Variants in CNIH3 observed in about 807,000 individuals in gnomAD.
CNIH3 encodes the protein protein cornichon homolog 3.
A neutral mutation model predicts 24.1 loss-of-function variants in CNIH3; 14 were observed. The ratio of observed to expected loss-of-function variants is 0.58; its 90% CI spans 0.38 to 0.91. CNIH3 has a LOEUF of 0.91. Among genes scored for constraint, CNIH3 ranks in the 40% least tolerant of loss-of-function variants. CNIH3 has a pLI of 0.00. For synonymous variants in CNIH3, 68 were observed against 73.8 expected (o/e 0.92, Z 0.40); for missense variants, 178 against 196.8 (o/e 0.90, Z 0.57).
chr1:224,694,001 TTGAG>T (rs1335067850), intron 3 of CNIH3, among the ~76,000 whole-genome samples: 3 of 152,232 alleles, frequency 2.0e-5, no homozygotes, highest in African/African-American at 7.2e-5. Flanking sequence ...ATTTGGTGAC[TTGAG>T]TGTTTGGTAG....
chr1:224,574,618 A>T, intron 4 of CNIH3: 1 of 845,242 alleles, frequency 1.2e-6, no homozygotes. Context: ...ATTCGGGAGA[A>T]GCTCAGGGAG....
At chr1:224,734,966 A>G (rs919282180) in intron 5 of CNIH3, among the ~76,000 whole-genome samples, 5 of 152,104 alleles carry the variant, frequency 3.3e-5, no homozygotes, top group African/African-American at 4.8e-5. Flanking sequence ...CACCCTCTCA[A>G]CATCCCTTTG....
At chr1:224,582,858 T>A (rs1008092595) in intron 4 of CNIH3, among the ~76,000 whole-genome samples, 1 of 152,208 alleles carries the variant, frequency 6.6e-6, no homozygotes, top group Non-Finnish European at 1.5e-5. Flanking sequence ...CCTTTGTTGA[T>A]TCACTTATCT....
At chr1:224,728,402 C>T (rs1187014957) in intron 3 of CNIH3, among the ~76,000 whole-genome samples, 1 of 152,100 alleles carries the variant, frequency 6.6e-6, no homozygotes, top group Non-Finnish European at 1.5e-5. Context: ...CCCCCTCCTG[C>T]CAGGTGGTTG....
Position 224,684,922 on chromosome 1 carries a change from C to T in CNIH3, c.198+79C>T, listed in dbSNP as rs1210168455. 7.4e-7 allele frequency: 1 copy of T among 1,345,190 alleles called. No homozygotes were observed. Among genetic ancestry groups the T allele is most frequent in the East Asian group, 2.3e-5 (1 of 43,638 alleles). The allele number at this position is 1,345,190 out of a possible 1,614,324, so 83.3% of individuals were successfully genotyped here. The stretch of plus-strand genomic sequence containing the variant: ...CACACAGTGAAAGAGGCTAGTGAGG[C>T]TCTGCCTGCTCCAGTCCTGTCCACC... On this transcript the variant is annotated intron_variant, in intron 3 of 5. Coordinates refer to ENST00000272133, the MANE Select transcript of CNIH3 (RefSeq NM_152495.2). The surrounding 1 kb of genome is among the most constrained non-coding windows in gnomAD (Gnocchi z 4.2).
chr1:224,691,745 A>G (rs966537797), intron 3 of CNIH3, among the ~76,000 whole-genome samples: 4 of 152,234 alleles, frequency 2.6e-5, no homozygotes, highest in African/African-American at 9.6e-5. Flanking sequence ...TCATTCTCTC[A>G]TTGGGCAGAG....
chr1:224,699,780 G>A (rs568133903), intron 3 of CNIH3, among the ~76,000 whole-genome samples: 1 of 152,276 alleles, frequency 6.6e-6, no homozygotes, highest in African/African-American at 2.4e-5. Flanking sequence ...AAAAATCTGA[G>A]CCCCTCACCC....
At chr1:224,509,635 T>C (rs1022009947) in intron 1 of CNIH3, among the ~76,000 whole-genome samples, 1 of 152,136 alleles carries the variant, frequency 6.6e-6, no homozygotes, top group African/African-American at 2.4e-5. Context: ...TCTGCAAACC[T>C]CAATCTGATC....
chr1:224,616,971 CGG>C lies in CNIH3; in HGVS notation c.-202_-201del. ...CGTTTTCCTGTCTTCGCCGGAGGGC[CGG>C]GTCTGGGGTCGCCGGAGCCTGCGGG... On this transcript the variant is annotated 5_prime_UTR_variant, in exon 1 of 6. The change creates a premature stop within an existing upstream ORF in the 5' untranslated region. Transcript: ENST00000272133. 13 of 1,396,946 alleles carry C rather than the reference CGG, an allele frequency of 9.3e-6. No homozygotes were observed. The highest frequency in any genetic ancestry group is 1.2e-5 in the Non-Finnish European group (13 of 1,080,874). The allele number at this position is 1,396,946 out of a possible 1,614,324, so 86.5% of individuals were successfully genotyped here. A position where few individuals can be genotyped will look rare whatever the true frequency, so the allele number is the denominator to read the frequency against.
intron 3 of CNIH3, among the ~76,000 whole-genome samples, chr1:224,697,313 G>A (rs781766213): frequency 2.0e-5 from 3 of 152,146 alleles, no homozygotes; most frequent in Non-Finnish European, 2.9e-5. Flanking sequence ...CCCGCCCCCC[G>A]GAATTTCTGA....
intron 3 of CNIH3, among the ~76,000 whole-genome samples, chr1:224,597,567 G>T (rs775861095): frequency 2.0e-5 from 3 of 152,134 alleles, no homozygotes; most frequent in Non-Finnish European, 2.9e-5. Flanking sequence ...GTATGGGGTC[G>T]GAGGGTACAG....
At chr1:224,647,126 G>C (rs933387472) in intron 1 of CNIH3, among the ~76,000 whole-genome samples, 5 of 152,044 alleles carry the variant, frequency 3.3e-5, no homozygotes, top group African/African-American at 1.2e-4. Flanking sequence ...GGGGTTACAG[G>C]CACCCGCCGC....
chr1:224,487,280 T>C (rs1389106212), intron 1 of CNIH3, among the ~76,000 whole-genome samples: 1 of 152,238 alleles, frequency 6.6e-6, no homozygotes, highest in Admixed American at 6.5e-5. Context: ...TGAGTTTATT[T>C]GTAGACAGGT....
intron 1 of CNIH3, among the ~76,000 whole-genome samples, chr1:224,633,044 A>G (rs1683903774): frequency 6.6e-6 from 1 of 151,882 alleles, no homozygotes; most frequent in African/African-American, 2.4e-5. Context: ...GTGGTCCTCT[A>G]TTGCTTGCTC....
At chr1:224,561,277 A>T (rs1251804917) in intron 3 of CNIH3, among the ~76,000 whole-genome samples, 3 of 152,006 alleles carry the variant, frequency 2.0e-5, no homozygotes, top group Admixed American at 2.0e-4. Flanking sequence ...CTTTTCCTTT[A>T]TGGTTTACAG....
intron 4 of CNIH3, among the ~76,000 whole-genome samples, chr1:224,572,443 G>A (rs1388216555): frequency 2.0e-5 from 3 of 151,860 alleles, no homozygotes; most frequent in Non-Finnish European, 4.4e-5. Flanking sequence ...TTGAATCTGG[G>A]AGGTGGAGGT....
At chr1:224,442,681 A>G (rs539326505) in intron 1 of CNIH3, among the ~76,000 whole-genome samples, 1 of 152,362 alleles carries the variant, frequency 6.6e-6, no homozygotes, top group East Asian at 1.9e-4. Context: ...CATCAACCTT[A>G]TGAAGGCTGT....
At chr1:224,681,116 T>C in intron 2 of CNIH3, 90 bp downstream of exon 2, 2 of 1,094,386 alleles carry the variant, frequency 1.8e-6, no homozygotes, top group Non-Finnish European at 2.8e-6. Context: ...ATGATTTGAA[T>C]GCGTAAAGAA....
At chr1:224,698,322 A>C (rs1687286196) in intron 3 of CNIH3, among the ~76,000 whole-genome samples, 2 of 152,228 alleles carry the variant, frequency 1.3e-5, no homozygotes, top group African/African-American at 4.8e-5. Flanking sequence ...ATTCTGGAGG[A>C]CAATGATCAC....
Sources: gnomAD v4.1 joint callset for allele counts (sites outside exome capture counted in the v4.1 genomes callset) on GRCh38, gnomAD v4.1.1 for gene constraint, Gnocchi (gnomAD v3.1) non-coding constraint, MANE v1.5 for transcripts, NCBI Gene and HGNC (gene_info 2026-07-23, HGNC 2026-07-21) for gene names.